The following MTOR variants were observed in gnomAD, a reference collection of about 807,000 sequenced individuals.
The protein encoded by MTOR is mechanistic target of rapamycin kinase.
Under a neutral mutation model 319.8 loss-of-function variants are expected in MTOR, and 70 were observed. That is an observed-to-expected ratio of 0.22 (90% CI 0.18 to 0.27). The LOEUF (loss-of-function observed/expected upper bound fraction) is 0.27. Among genes scored for constraint, MTOR ranks in the 10% least tolerant of loss-of-function variants. MTOR has a pLI of 1.00. For missense variants in MTOR, 1,890 were observed against 3,274.4 expected (o/e 0.58, Z 10.32); for synonymous variants, 1,183 against 1,211.4 (o/e 0.98, Z 0.49).
intron 39 of MTOR, among the ~76,000 whole-genome samples, chr1:11,130,103 C>T (rs1643039860): frequency 6.6e-6 from 1 of 152,178 alleles, no homozygotes; most frequent in East Asian, 1.9e-4. Flanking sequence ...TCTGAACACC[C>T]GGATCTCTGG....
At chr1:11,145,440 G>C (rs1050298907) in intron 32 of MTOR, among the ~76,000 whole-genome samples, 2 of 151,988 alleles carry the variant, frequency 1.3e-5, no homozygotes, top group South Asian at 4.2e-4. Flanking sequence ...GCAGTGGTGT[G>C]ATCTTGGCTC....
chr1:11,119,573 G>GA (rs555425607), intron 49 of MTOR, among the ~76,000 whole-genome samples: 547 of 24,862 alleles, frequency 0.022, 126 homozygotes, highest in African/African-American at 0.087. Flanking sequence ...TCCGTCTCGA[G>GA]AAAAAAAAAA....
At chr1:11,220,045 A>T (rs1412852587) in intron 19 of MTOR, among the ~76,000 whole-genome samples, 1 of 116,604 alleles carries the variant, frequency 8.6e-6, no homozygotes, top group East Asian at 2.2e-4. Context: ...AAAAAAAAAA[A>T]GAAAAGAAAA....
At chr1:11,194,922 A>C (rs764347375) in intron 28 of MTOR, 1 of 1,614,154 alleles carries the variant, frequency 6.2e-7, no homozygotes, top group South Asian at 1.1e-5. Flanking sequence ...GGGTGAGCAC[A>C]ATAAGCACCT....
intron 56 of MTOR, among the ~76,000 whole-genome samples, chr1:11,108,710 C>G (rs1404575529): frequency 8.1e-6 from 1 of 123,582 alleles, no homozygotes; most frequent in African/African-American, 3.2e-5. Context: ...AAGACCCTGT[C>G]TCAAAAAAAA....
intron 19 of MTOR, among the ~76,000 whole-genome samples, chr1:11,225,827 G>GTAAGAGAA (rs1486548834): frequency 6.6e-6 from 1 of 152,178 alleles, no homozygotes; most frequent in Admixed American, 6.5e-5. Context: ...AAATTAAAAT[G>GTAAGAGAA]TAAGAGAACA....
chr1:11,247,782 G>C (rs1259794253), intron 7 of MTOR, 37 bp downstream of exon 7: 1 of 1,612,802 alleles, frequency 6.2e-7, no homozygotes, highest in Non-Finnish European at 8.5e-7. Flanking sequence ...GAGGTGTGGA[G>C]CTTAGGAAAA....
chr1:11,237,198 G>A (rs372470005), intron 13 of MTOR, among the ~76,000 whole-genome samples: 2 of 152,074 alleles, frequency 1.3e-5, no homozygotes, highest in Admixed American at 6.6e-5. Flanking sequence ...TCACCAGGCA[G>A]GACTGGTGTA....
intron 49 of MTOR, among the ~76,000 whole-genome samples, chr1:11,117,639 T>G (rs1384690673): frequency 6.6e-6 from 1 of 152,092 alleles, no homozygotes; most frequent in Non-Finnish European, 1.5e-5. Context: ...CTTATGAGTA[T>G]AAAGATGTTA....
At chr1:11,173,241 G>A (rs1438950463) in intron 28 of MTOR, among the ~76,000 whole-genome samples, 1 of 151,916 alleles carries the variant, frequency 6.6e-6, no homozygotes, top group Non-Finnish European at 1.5e-5. Context: ...TGATCTGTCC[G>A]CCTCGGTCTC....
intron 3 of MTOR, among the ~76,000 whole-genome samples, chr1:11,257,401 G>C (rs895389341): frequency 3.8e-5 from 5 of 130,552 alleles, no homozygotes; most frequent in South Asian, 2.5e-4. Context: ...AAAAAAAAAA[G>C]AAAACAAAAA....
chr1:11,257,553 ACT>A (rs1379788347), intron 3 of MTOR, among the ~76,000 whole-genome samples: 2 of 122,564 alleles, frequency 1.6e-5, no homozygotes, highest in Non-Finnish European at 3.4e-5. Context: ...ACAGAGTGAG[ACT>A]CTGTCTCAGA....
chr1:11,258,176 A>G (rs1241071439), intron 3 of MTOR, among the ~76,000 whole-genome samples: 1 of 151,962 alleles, frequency 6.6e-6, no homozygotes, highest in Non-Finnish European at 1.5e-5. Flanking sequence ...GAGCCCCACT[A>G]TGCGAAACCC....
chr1:11,229,439 G>C (rs974517108), intron 18 of MTOR, among the ~76,000 whole-genome samples: 1 of 152,098 alleles, frequency 6.6e-6, no homozygotes, highest in African/African-American at 2.4e-5. Context: ...CTAACATGAA[G>C]AGTGCAGCGA....
intron 34 of MTOR, among the ~76,000 whole-genome samples, chr1:11,142,866 A>G (rs1284681390): frequency 6.6e-6 from 1 of 152,340 alleles, no homozygotes; most frequent in South Asian, 2.1e-4. Flanking sequence ...AACCAAAAGC[A>G]TTGGTGCAAC....
chr1:11,137,760 T>C (rs954608968), intron 36 of MTOR, among the ~76,000 whole-genome samples: 1 of 152,176 alleles, frequency 6.6e-6, no homozygotes, highest in Non-Finnish European at 1.5e-5. Flanking sequence ...AAGTGTCTTG[T>C]CTAGGAAAAC....
chr1:11,207,092 GC>G (rs1341536782), intron 25 of MTOR, among the ~76,000 whole-genome samples: 1 of 152,022 alleles, frequency 6.6e-6, no homozygotes, highest in Non-Finnish European at 1.5e-5. Flanking sequence ...GAGGTCTGCT[GC>G]CTTTTTTTGT....
intron 46 of MTOR, among the ~76,000 whole-genome samples, chr1:11,124,856 GT>G (rs1183390845): frequency 2.6e-5 from 4 of 152,218 alleles, no homozygotes; most frequent in Non-Finnish European, 4.4e-5. Context: ...AACAAAATCT[GT>G]TTTTGAGGAC....
intron 34 of MTOR, among the ~76,000 whole-genome samples, chr1:11,143,723 T>G (rs569505559): frequency 5.3e-5 from 8 of 152,304 alleles, no homozygotes; most frequent in African/African-American, 1.4e-4. Flanking sequence ...AAACTTCGAT[T>G]GGTCTGAAGC....
Sources: gnomAD v4.1 joint callset for allele counts (sites outside exome capture counted in the v4.1 genomes callset) on GRCh38, gnomAD v4.1.1 for gene constraint, MANE v1.5 for transcripts, NCBI Gene and HGNC (gene_info 2026-07-23, HGNC 2026-07-21) for gene names.